The following DCC variants were observed in gnomAD, a reference collection of about 807,000 sequenced individuals.
The protein encoded by DCC is netrin receptor DCC.
Under a neutral mutation model 172.5 loss-of-function variants are expected in DCC, and 58 were observed. That is an observed-to-expected ratio of 0.34 (90% confidence interval 0.27 to 0.42). The LOEUF (loss-of-function observed/expected upper bound fraction) is 0.42. DCC is among the 10% of genes least tolerant of loss of function. The pLI, the probability that DCC is intolerant of heterozygous loss-of-function variation, is 1.00. For synonymous variants in DCC, 709 were observed against 644.5 expected (o/e 1.10, Z -1.52); for missense variants, 1,740 against 1,791.0 (o/e 0.97, Z 0.51).
chr18:52,950,527 G>T (rs1025681055), intron 5 of DCC, among the ~76,000 whole-genome samples: 2 of 152,184 alleles, frequency 1.3e-5, no homozygotes, highest in Non-Finnish European at 2.9e-5. Context: ...AGATATTTAA[G>T]TCAAATCAAT....
At chr18:52,849,438 G>A (rs17478130) in intron 2 of DCC, among the ~76,000 whole-genome samples, 3,165 of 152,166 alleles carry the variant, frequency 0.021, 55 homozygotes, top group Admixed American at 0.04. Flanking sequence ...AACTCTACAG[G>A]GAAAACTTTA....
intron 1 of DCC, among the ~76,000 whole-genome samples, chr18:52,373,580 G>A (rs754137022): frequency 1.3e-5 from 2 of 152,152 alleles, no homozygotes; most frequent in African/African-American, 2.4e-5. Context: ...TGTACATTGT[G>A]GGGGTGGGTG....
intron 1 of DCC, among the ~76,000 whole-genome samples, chr18:52,537,932 C>T (rs1481986990): frequency 6.6e-6 from 1 of 152,150 alleles, no homozygotes; most frequent in Admixed American, 6.5e-5. Flanking sequence ...CCCTTCCCTG[C>T]AGGATTAATT....
chr18:53,023,316 C>T (rs997642791), intron 5 of DCC, among the ~76,000 whole-genome samples: 8 of 145,926 alleles, frequency 5.5e-5, no homozygotes, highest in African/African-American at 2.0e-4. Context: ...TCTTATAAGA[C>T]CCTAAAACTT....
chr18:52,382,811 A>T (rs1985641011), intron 1 of DCC, among the ~76,000 whole-genome samples: 1 of 151,882 alleles, frequency 6.6e-6, no homozygotes, highest in Non-Finnish European at 1.5e-5. Context: ...TTGTTACATA[A>T]CTCGTACCTG....
intron 15 of DCC, among the ~76,000 whole-genome samples, chr18:53,376,377 G>T (rs62098044): frequency 6.6e-6 from 1 of 152,010 alleles, no homozygotes; most frequent in Non-Finnish European, 1.5e-5. Context: ...GAGCAAAACT[G>T]TGTCTCAAAA....
chr18:53,326,507 A>G (rs1324082984), intron 14 of DCC, among the ~76,000 whole-genome samples: 2 of 152,204 alleles, frequency 1.3e-5, no homozygotes, highest in Non-Finnish European at 2.9e-5. Context: ...TTCATATATT[A>G]AAAAGTGTAA....
At position 52,586,014 on chromosome 18, in the gene DCC, C is replaced by T. The variant is rs1219944683; in HGVS notation, c.92-166040C>T. On this transcript the variant is annotated intron_variant, in intron 1 of 28. Transcript: ENST00000442544. ...AGGAGAATGGCGTGAACCCAGGAGG[C>T]GGAGCTTGCAGTGAGCCGAAATTGT... Among the ~76,000 whole-genome samples, 7 of 131,114 alleles carry T rather than the reference C, an allele frequency of 5.3e-5. No homozygotes were observed. In the East Asian group the frequency reaches 1.3e-3, roughly 23 times the overall value. 86.0% of individuals were successfully genotyped at this position (131,114 alleles called of 152,430 possible).
chr18:52,540,292 T>C (rs1055111559), intron 1 of DCC, among the ~76,000 whole-genome samples: 16 of 151,918 alleles, frequency 1.1e-4, no homozygotes, highest in African/African-American at 3.6e-4. Flanking sequence ...TTTTAAATAA[T>C]GATGTGCACC....
chr18:53,473,824 G>T (rs530482553), intron 25 of DCC, among the ~76,000 whole-genome samples: 13 of 152,196 alleles, frequency 8.5e-5, no homozygotes, highest in African/African-American at 2.9e-4. Context: ...TTCTGAAGGT[G>T]CTATCTCCAT....
intron 7 of DCC, among the ~76,000 whole-genome samples, chr18:53,142,860 T>G (rs1877955950): frequency 6.6e-6 from 1 of 152,228 alleles, no homozygotes; most frequent in Non-Finnish European, 1.5e-5. Flanking sequence ...ATTTGTGATG[T>G]CTTCCCAGAC....
rs148331971 is a variant in DCC at position 52,469,705 on chromosome 18, G to T, written c.91+128827G>T. ...TTGTAACAAACACAATCTCAATAAG[G>T]CTTTTTAATTGCTCATATTACAGTA... On this transcript the variant is annotated intron_variant, in intron 1 of 28. Transcript: ENST00000442544. 1.2e-4 allele frequency among the ~76,000 whole-genome samples: 18 copies of T among 152,202 alleles called. No individual in the cohort carries two copies. The East Asian group carries it at 3.3e-3, about 28-fold the overall frequency.
intron 2 of DCC, among the ~76,000 whole-genome samples, chr18:52,852,661 C>T (rs2038994755): frequency 6.7e-6 from 1 of 149,550 alleles, no homozygotes. Flanking sequence ...TTATTTTAAC[C>T]GAAGAATTCA....
Position 53,291,920 on chromosome 18 carries a change from C to T in DCC, c.1912-13658C>T, listed in dbSNP as rs376695455. ...TTATTGTAATGGAATTTTGTCAAAA[C>T]GTGAATACCTCCTAGAAATTACATT... On this transcript the variant is annotated intron_variant, in intron 12 of 28. Coordinates refer to ENST00000442544, the MANE Select transcript of DCC (RefSeq NM_005215.4). Among the ~76,000 whole-genome samples the T allele has an allele frequency of 3.5e-4, 53 of 152,086 alleles. 1 individual carries two copies. The highest frequency in any genetic ancestry group is 8.5e-4 in the Admixed American group (13 of 15,272).
intron 7 of DCC, among the ~76,000 whole-genome samples, chr18:53,113,714 T>G (rs1044149875): frequency 5.7e-5 from 1 of 17,418 alleles, no homozygotes; most frequent in East Asian, 5.9e-4. Context: ...AAAAACCTGC[T>G]TTTTTTTTTA....
intron 27 of DCC, among the ~76,000 whole-genome samples, chr18:53,509,790 A>T (rs778029563): frequency 7.9e-5 from 12 of 152,112 alleles, no homozygotes; most frequent in Non-Finnish European, 1.5e-4. Flanking sequence ...GTGGAACATA[A>T]ACCAATGTCT....
At chr18:52,711,372 C>T (rs1485689785) in intron 1 of DCC, among the ~76,000 whole-genome samples, 6 of 152,172 alleles carry the variant, frequency 3.9e-5, no homozygotes, top group Non-Finnish European at 8.8e-5. Context: ...GTATTACAGG[C>T]ATCCACCACC....
intron 1 of DCC, among the ~76,000 whole-genome samples, chr18:52,507,236 C>G (rs2031263149): frequency 6.6e-6 from 1 of 152,120 alleles, no homozygotes; most frequent in Non-Finnish European, 1.5e-5. Context: ...TCAGGTTGAA[C>G]TAATTAATTT....
rs563199927 is a variant in DCC, at chr18:52,405,448, G to C, written c.91+64570G>C. ...GCGTTTTTTCATGTGTTTTTTGGCT[G>C]CATAAATGTCTTCTTTTGAGAAGTG... On this transcript the variant is annotated intron_variant, in intron 1 of 28. Coordinates refer to ENST00000442544, the MANE Select transcript of DCC (RefSeq NM_005215.4). 5.8e-4 allele frequency among the ~76,000 whole-genome samples: 83 copies of C among 143,474 alleles called. 1 individual carries two copies. The highest frequency in any genetic ancestry group is 2.0e-3 in the African/African-American group (81 of 39,916). 94.1% of individuals were successfully genotyped at this position (143,474 alleles called of 152,430 possible). A position where few individuals can be genotyped will look rare whatever the true frequency, so the allele number is the denominator to read the frequency against.
Sources: gnomAD v4.1 joint callset for allele counts (sites outside exome capture counted in the v4.1 genomes callset) on GRCh38, gnomAD v4.1.1 for gene constraint, MANE v1.5 for transcripts, NCBI Gene and HGNC (gene_info 2026-07-23, HGNC 2026-07-21) for gene names.